The following AFF3 variants were observed in gnomAD, a reference collection of about 807,000 sequenced individuals.
AFF3 encodes ALF transcription elongation factor 3, also known as AF4/FMR2 family member 3.
A neutral mutation model predicts 129.7 loss-of-function variants in AFF3; 32 were observed. The ratio of observed to expected loss-of-function variants is 0.25; its 90% CI spans 0.19 to 0.33. The LOEUF is 0.33. Among genes scored for constraint, AFF3 ranks in the 10% least tolerant of loss-of-function variants. AFF3 has a pLI of 1.00. For synonymous variants in AFF3, 644 were observed against 635.4 expected, an observed-to-expected ratio of 1.01 and a Z score of -0.20; for missense variants, 1,373 against 1,592.0, an observed-to-expected ratio of 0.86 and a Z score of 2.34.
intron 8 of AFF3, among the ~76,000 whole-genome samples, chr2:99,754,057 C>T (rs751017474): frequency 6.6e-6 from 1 of 152,166 alleles, no homozygotes; most frequent in Non-Finnish European, 1.5e-5. Flanking sequence ...CAGAGTGTTA[C>T]TACCCGATTA....
intron 18 of AFF3, among the ~76,000 whole-genome samples, chr2:99,575,414 A>ATTTTTTTTTTTT (rs540441950): frequency 5.5e-5 from 7 of 127,472 alleles, no homozygotes; most frequent in African/African-American, 1.5e-4. Context: ...TGCCTGGCTA[A>ATTTTTTTTTTTT]TTTTTTTTTT....
At position 99,565,364 on chromosome 2, in the gene AFF3, G is replaced by A. The variant is rs150929266; in HGVS notation, c.3119+123C>T. 1.0e-2 allele frequency: 13,730 copies of A among 1,377,988 alleles called. 178 individuals carry two copies. Among genetic ancestry groups the A allele is most frequent in the South Asian group, 0.042 (3,046 of 73,050 alleles). 85.4% of individuals were successfully genotyped at this position (1,377,988 alleles called of 1,614,324 possible). A position where few individuals can be genotyped will look rare whatever the true frequency, so the allele number is the denominator to read the frequency against. On this transcript the variant is annotated intron_variant, in intron 20 of 24. Coordinates refer to ENST00000672756, the MANE Select transcript of AFF3 (RefSeq NM_001386135.1). ...TTGCACGACCTTACCCTCTTATTTT[G>A]GGGGGATGAACACTGGTTCCTGGTG...
intron 12 of AFF3, among the ~76,000 whole-genome samples, chr2:99,668,030 C>T (rs192620851): frequency 6.6e-5 from 10 of 151,920 alleles, no homozygotes; most frequent in Admixed American, 1.3e-4. Flanking sequence ...TGGTGGTGGG[C>T]GCCTGTAGTC....
intron 13 of AFF3, among the ~76,000 whole-genome samples, chr2:99,617,784 C>A (rs537366092): frequency 6.6e-6 from 1 of 152,184 alleles, no homozygotes; most frequent in Non-Finnish European, 1.5e-5. Flanking sequence ...AGTCCCACCT[C>A]TGAGCCTCAC....
chr2:99,595,394 C>T (rs761959076), intron 14 of AFF3, among the ~76,000 whole-genome samples: 1 of 152,124 alleles, frequency 6.6e-6, no homozygotes, highest in African/African-American at 2.4e-5. Flanking sequence ...TTCCACCTTT[C>T]GAATTCGTGG....
intron 3 of AFF3, chr2:100,104,822 C>G (rs1691134436): frequency 1.5e-6 from 1 of 665,412 alleles, no homozygotes; most frequent in South Asian, 6.5e-5. Flanking sequence ...CCGCCGCCGC[C>G]GCGGTGCTCT....
intron 8 of AFF3, among the ~76,000 whole-genome samples, chr2:99,830,316 A>T (rs1199923818): frequency 1.3e-5 from 2 of 152,248 alleles, no homozygotes; most frequent in African/African-American, 4.8e-5. Context: ...TAAAAAAACA[A>T]GAAACCAAGT....
At position 100,138,584 on chromosome 2, in the gene AFF3, C is replaced by T. The variant is rs1188230479; in HGVS notation, c.-228+3900G>A. ...GGAAAATAGAAAAAGGGAGCTCATACCACTTAAAAAGATTTCTCTTTACTG... is the reference window on the plus strand; with the variant it reads ...GGAAAATAGAAAAAGGGAGCTCATATCACTTAAAAAGATTTCTCTTTACTG... On this transcript the variant is annotated intron_variant, in intron 1 of 24. Coordinates refer to ENST00000672756, the MANE Select transcript of AFF3 (RefSeq NM_001386135.1). Among the ~76,000 whole-genome samples the T allele has an allele frequency of 3.3e-5, 5 of 152,270 alleles. No homozygotes were observed. The East Asian group carries it at 5.8e-4, about 18-fold the overall frequency.
intron 7 of AFF3, among the ~76,000 whole-genome samples, chr2:99,885,694 G>A (rs994431040): frequency 4.6e-5 from 7 of 152,122 alleles, no homozygotes; most frequent in African/African-American, 1.7e-4. Context: ...GGTTGTGAAA[G>A]ATACTGAATC....
intron 7 of AFF3, among the ~76,000 whole-genome samples, chr2:99,845,637 T>G (rs1314096912): frequency 1.3e-5 from 2 of 152,124 alleles, no homozygotes; most frequent in African/African-American, 4.8e-5. Flanking sequence ...TAAGAATACT[T>G]TAAGATTTCT....
Position 100,008,864 on chromosome 2 carries a change from T to C in AFF3, c.122A>G (p.Gln41Arg). The change falls in exon 5 of 25, where the codon CAG (glutamine) becomes CGG (arginine). Residue 41 changes from glutamine (Q) to arginine (R), a missense_variant. Physicochemically the swap from Gln to Arg is conservative, Grantham distance 43. Coordinates refer to ENST00000672756, the MANE Select transcript of AFF3 (RefSeq NM_001386135.1). ...ERERRNQETQQDDGTFNSSYS... is the reference protein window; with the variant it reads ...ERERRNQETQRDDGTFNSSYS... ...ACTAGAATTAAACGTGCCATCATCC[T>C]GTTGAGTTTCTTGATTTCTTCTTTC... 1 of 1,614,110 alleles carries C rather than the reference T, an allele frequency of 6.2e-7. No individual in the cohort carries two copies. The highest frequency in any genetic ancestry group is 8.5e-7 in the Non-Finnish European group (1 of 1,179,970).
At position 99,551,379 on chromosome 2, in the gene AFF3, T is replaced by C. The variant is rs576212243; in HGVS notation, c.*95A>G. ...TGAGGAAATGTTCACCGCAGTCTGA[T>C]AAATGCTGTGGCTGGGAGTTTCAGT... is the stretch of plus-strand genomic sequence containing the variant. On this transcript the variant is annotated 3_prime_UTR_variant, in exon 25 of 25. Transcript: ENST00000672756. 5.9e-4 allele frequency: 895 copies of C among 1,510,790 alleles called. 1 individual carries two copies. The highest frequency in any genetic ancestry group is 7.7e-4 in the Non-Finnish European group (853 of 1,107,026). The allele number at this position is 1,510,790 out of a possible 1,614,324, so 93.6% of individuals were successfully genotyped here.
At chr2:99,941,483 G>A (rs1004786365) in intron 7 of AFF3, among the ~76,000 whole-genome samples, 1 of 152,228 alleles carries the variant, frequency 6.6e-6, no homozygotes, top group Non-Finnish European at 1.5e-5. Context: ...GAGTCTGACA[G>A]CTGCATATCA....
At chr2:99,998,003 T>C (rs990719531) in intron 7 of AFF3, among the ~76,000 whole-genome samples, 2 of 152,092 alleles carry the variant, frequency 1.3e-5, no homozygotes, top group Admixed American at 6.6e-5. Flanking sequence ...CCTCTCTCTG[T>C]ACCACTTACT....
chr2:99,652,859 T>G (rs1685394754), intron 12 of AFF3, among the ~76,000 whole-genome samples: 1 of 152,138 alleles, frequency 6.6e-6, no homozygotes, highest in Non-Finnish European at 1.5e-5. Context: ...TGTCATAGGA[T>G]TACCACAACA....
At chr2:99,620,230 C>T (rs1681859956) in intron 13 of AFF3, among the ~76,000 whole-genome samples, 1 of 152,154 alleles carries the variant, frequency 6.6e-6, no homozygotes, top group African/African-American at 2.4e-5. Context: ...TGCTGATAAC[C>T]CCACTGTGGG....
intron 11 of AFF3, among the ~76,000 whole-genome samples, chr2:99,681,115 C>T: frequency 6.6e-6 from 1 of 152,046 alleles, no homozygotes. Context: ...TGGGCCTCAG[C>T]CCCAGATATT....
At chr2:99,769,127 C>A (rs1029324019) in intron 8 of AFF3, among the ~76,000 whole-genome samples, 11 of 152,202 alleles carry the variant, frequency 7.2e-5, no homozygotes, top group African/African-American at 2.7e-4. Context: ...AATTCTTAGA[C>A]TTGCCCTTTA....
intron 7 of AFF3, among the ~76,000 whole-genome samples, chr2:99,991,866 G>A (rs1680371474): frequency 6.6e-6 from 1 of 151,420 alleles, no homozygotes; most frequent in Admixed American, 6.6e-5. Flanking sequence ...TTGCGACACT[G>A]CACTACAGCC....
Sources: allele counts gnomAD v4.1 joint callset (sites outside exome capture counted in the v4.1 genomes callset), GRCh38; gene constraint gnomAD v4.1.1; transcripts MANE v1.5; gene names NCBI Gene and HGNC (gene_info 2026-07-23, HGNC 2026-07-21).